TEX14: variants seen among roughly 807,000 people sequenced by gnomAD.
The protein encoded by TEX14 is inactive serine/threonine-protein kinase TEX14.
In TEX14, 168 loss-of-function variants were observed where a neutral mutation model predicts 178.6. That is an observed-to-expected ratio of 0.94 (90% CI 0.83 to 1.07). TEX14 has a LOEUF of 1.07. Among genes scored for constraint, TEX14 ranks in the 50% least tolerant of loss-of-function variants. The probability of loss-of-function intolerance (pLI) is 0.00; values close to 1 mark genes in which losing one functional copy is unlikely to be tolerated. For missense variants in TEX14, 1,730 were observed against 1,753.6 expected, an observed-to-expected ratio of 0.99 and a Z score of 0.24; for synonymous variants, 626 against 634.1, an observed-to-expected ratio of 0.99 and a Z score of 0.19.
At chr17:58,571,188 AAAAG>A (rs1340453875) in intron 24 of TEX14, among the ~76,000 whole-genome samples, 1 of 152,050 alleles carries the variant, frequency 6.6e-6, no homozygotes, top group African/African-American at 2.4e-5. Flanking sequence ...CAAATACCAA[AAAAG>A]TTGACAATCA....
chr17:58,617,384 A>G (rs80220949), intron 6 of TEX14, among the ~76,000 whole-genome samples, 154 bp downstream of exon 6: 1,742 of 152,340 alleles, frequency 0.011, 15 homozygotes, highest in Middle Eastern at 0.041. Context: ...AGACAGGAAC[A>G]CTAAGAGATA....
intron 15 of TEX14, among the ~76,000 whole-genome samples, chr17:58,590,814 G>A (rs1264475274): frequency 6.6e-6 from 1 of 151,922 alleles, no homozygotes; most frequent in Non-Finnish European, 1.5e-5. Context: ...CTTGGCTTCC[G>A]AAAGTGCTGG....
intron 6 of TEX14, 124 bp downstream of exon 6, chr17:58,617,414 A>T: frequency 1.4e-6 from 1 of 691,120 alleles, no homozygotes; most frequent in Non-Finnish European, 2.5e-6. Flanking sequence ...CAATAGGGGC[A>T]AAAAAGAAAA....
chr17:58,569,176 A>AT lies in TEX14; in HGVS notation c.3886+15dup. ...AACAGGGCCGAGAAGTATATTCTGT[A>AT]TTGAACATCTCTTACCAATGTCATC... On this transcript the variant is annotated intron_variant, in intron 26 of 31. Coordinates refer to ENST00000349033, the MANE Select transcript of TEX14 (RefSeq NM_031272.5). The surrounding 1 kb of genome is among the most constrained non-coding windows in gnomAD (Gnocchi z 4.1). The AT allele has an allele frequency of 6.2e-7, 1 of 1,607,376 alleles. No homozygotes were observed. Among genetic ancestry groups the AT allele is most frequent in the Non-Finnish European group, 8.5e-7 (1 of 1,173,880 alleles).
chr17:58,575,484 G>T (rs1006807529), intron 21 of TEX14, among the ~76,000 whole-genome samples: 1 of 152,152 alleles, frequency 6.6e-6, no homozygotes, highest in Non-Finnish European at 1.5e-5. Context: ...TGGATTTGGG[G>T]TTGAGTTGTG....
intron 4 of TEX14, among the ~76,000 whole-genome samples, 180 bp downstream of exon 4, chr17:58,622,667 G>C (rs1284937895): frequency 2.0e-5 from 3 of 152,208 alleles, no homozygotes; most frequent in Non-Finnish European, 2.9e-5. Flanking sequence ...AATACGATGA[G>C]TAGAAAGGTT....
intron 2 of TEX14, among the ~76,000 whole-genome samples, chr17:58,637,130 G>C (rs2046452870): frequency 6.6e-6 from 1 of 151,624 alleles, no homozygotes. Context: ...GGGAGGCTGA[G>C]CCACGAGAAT....
intron 28 of TEX14, 33 bp from the exon 29 acceptor site, chr17:58,561,645 A>C (rs774564546): frequency 7.0e-7 from 1 of 1,437,112 alleles, no homozygotes; most frequent in Non-Finnish European, 9.8e-7. Flanking sequence ...AATGGAGACA[A>C]CAGTCATTTC....
At chr17:58,633,658 C>A (rs1425205625) in intron 2 of TEX14, among the ~76,000 whole-genome samples, 1 of 151,940 alleles carries the variant, frequency 6.6e-6, no homozygotes, top group Non-Finnish European at 1.5e-5. Context: ...AACCCCATCT[C>A]TACTATAAAA....
intron 1 of TEX14, among the ~76,000 whole-genome samples, chr17:58,688,813 G>T (rs896448239): frequency 3.3e-5 from 5 of 152,116 alleles, no homozygotes; most frequent in African/African-American, 4.8e-5. Context: ...TTCCCGGGGG[G>T]GGTTTGGGAG....
intron 1 of TEX14, among the ~76,000 whole-genome samples, chr17:58,672,801 G>A (rs182766880): frequency 4.6e-5 from 7 of 150,928 alleles, no homozygotes; most frequent in Admixed American, 2.7e-4. Flanking sequence ...GTGTGATCTC[G>A]GCTTACTGCA....
chr17:58,635,065 G>A (rs770847177), intron 2 of TEX14, among the ~76,000 whole-genome samples: 4 of 151,468 alleles, frequency 2.6e-5, no homozygotes, highest in Non-Finnish European at 5.9e-5. Flanking sequence ...CCGGAAGGTG[G>A]AAGTTGCAGT....
At position 58,630,530 on chromosome 17, in the gene TEX14, G is replaced by C. The variant is rs778906063; in HGVS notation, c.161C>G (p.Ser54Cys). 1 of 1,613,568 alleles carries C rather than the reference G, an allele frequency of 6.2e-7. No homozygotes were observed. Among genetic ancestry groups the C allele is most frequent in the African/African-American group, 1.3e-5 (1 of 74,862 alleles). The change falls in exon 3 of 32, where the codon TCC becomes TGC. Residue 54 changes from serine (S) to cysteine (C), a missense_variant. Around this residue, in one of 2 missense-constraint regions of TEX14, gnomAD observed 789 missense variants for 681.2 expected, o/e 1.16. Transcript: ENST00000349033. ...AACAAAAAGTGCTGTTTGGCCCAAG[G>C]AGTTAACTGCATCAACATAAATTCC... ...KKGIYVDAVN[S>C]LGQTALFVAA...
intron 26 of TEX14, among the ~76,000 whole-genome samples, chr17:58,566,311 G>T (rs2044397208): frequency 2.0e-5 from 3 of 152,160 alleles, no homozygotes; most frequent in Non-Finnish European, 4.4e-5. Context: ...GGAAATTTAG[G>T]TTAAGAAACT....
intron 2 of TEX14, among the ~76,000 whole-genome samples, chr17:58,635,011 A>T (rs550561034): frequency 3.0e-4 from 46 of 152,166 alleles, no homozygotes; most frequent in African/African-American, 1.0e-3. Context: ...GGGCGCCTGT[A>T]ATACTAGCTA....
chr17:58,650,576 G>A (rs1240781356), intron 2 of TEX14, among the ~76,000 whole-genome samples: 1 of 152,080 alleles, frequency 6.6e-6, no homozygotes, highest in Non-Finnish European at 1.5e-5. Flanking sequence ...TCCTGGTGTG[G>A]TGGACTATAG....
At chr17:58,563,968 C>T (rs2044344749) in intron 28 of TEX14, among the ~76,000 whole-genome samples, 1 of 151,056 alleles carries the variant, frequency 6.6e-6, no homozygotes, top group South Asian at 2.1e-4. Context: ...ACCTCACACC[C>T]ATTAGGATGG....
chr17:58,663,762 C>T (rs2047159843), intron 1 of TEX14, among the ~76,000 whole-genome samples: 1 of 152,176 alleles, frequency 6.6e-6, no homozygotes, highest in Non-Finnish European at 1.5e-5. Flanking sequence ...GCCAATGTGC[C>T]AGGCCACTAA....
intron 10 of TEX14, 103 bp downstream of exon 10, chr17:58,611,058 C>T: frequency 3.7e-6 from 3 of 811,202 alleles, no homozygotes; most frequent in East Asian, 2.5e-5. Context: ...ACAGGTTCAT[C>T]TCACCAATGA....
Sources: gnomAD v4.1 joint callset for allele counts (sites outside exome capture counted in the v4.1 genomes callset) on GRCh38, gnomAD v4.1.1 for gene constraint, gnomAD v4.1.1 regional missense constraint, Gnocchi (gnomAD v3.1) non-coding constraint, MANE v1.5 for transcripts, NCBI Gene and HGNC (gene_info 2026-07-23, HGNC 2026-07-21) for gene names.